COL18A1: variants seen among roughly 807,000 people sequenced by gnomAD.
The protein encoded by COL18A1 is collagen type XVIII alpha 1 chain.
A neutral mutation model predicts 168.0 loss-of-function variants in COL18A1; 133 were observed. The observed-to-expected ratio is 0.79, with a 90% CI of 0.69 to 0.91. COL18A1 has a LOEUF of 0.91. Among genes scored for constraint, COL18A1 ranks in the 40% least tolerant of loss-of-function variants. The pLI, the probability that COL18A1 is intolerant of heterozygous loss-of-function variation, is 0.00. For missense variants in COL18A1, 2,126 were observed against 1,925.4 expected (o/e 1.10, Z -1.95); for synonymous variants, 949 against 809.0 (o/e 1.17, Z -2.94).
At chr21:45,487,718 G>A (rs1404163995) in intron 17 of COL18A1, 2 of 698,822 alleles carry the variant, frequency 2.9e-6, no homozygotes, top group Admixed American at 2.0e-5. Flanking sequence ...ACGGGGTGAG[G>A]GCCTGGTCTG....
intron 34 of COL18A1, 119 bp downstream of exon 34, chr21:45,504,675 G>A: frequency 1.1e-6 from 1 of 871,802 alleles, no homozygotes; most frequent in South Asian, 1.5e-5. Context: ...TGCAAGCTCA[G>A]CAGCCCCGAC....
intron 2 of COL18A1, among the ~76,000 whole-genome samples, chr21:45,411,226 C>T (rs1371360609): frequency 6.6e-6 from 1 of 152,136 alleles, no homozygotes; most frequent in Non-Finnish European, 1.5e-5. Flanking sequence ...GTGGCTCTGC[C>T]TTCCCCGATG....
chr21:45,479,640 G>C (rs1177958765), intron 9 of COL18A1, among the ~76,000 whole-genome samples: 1 of 152,044 alleles, frequency 6.6e-6, no homozygotes, highest in Non-Finnish European at 1.5e-5. Context: ...CCAAGCACCA[G>C]CTGTTGTGGA....
rs938380690 is a variant in COL18A1, at chr21:45,505,075, G to A, written c.2869-59G>A. On this transcript the variant is annotated intron_variant, in intron 34 of 41. Transcript: ENST00000651438. ...TTGGCAGCTGCAGCCCCACAAGCTT[G>A]CCCGCCCCCAGTCCAGGGCACGAGG... 127 of 1,578,730 alleles carry A rather than the reference G, an allele frequency of 8.0e-5. No individual in the cohort carries two copies. In the Admixed American group the frequency reaches 2.1e-3, roughly 27 times the overall value.
intron 37 of COL18A1, chr21:45,507,336 G>GT: frequency 6.7e-6 from 4 of 596,144 alleles, no homozygotes; most frequent in Non-Finnish European, 1.2e-5. Flanking sequence ...GCAGGGCCGG[G>GT]TGCTGGGCAG....
Position 45,509,476 on chromosome 21 carries a change from A to G in COL18A1, c.3370A>G (p.Ser1124Gly). 6.5e-7 allele frequency: 1 copy of G among 1,527,070 alleles called. No individual in the cohort carries two copies. Among genetic ancestry groups the G allele is most frequent in the Admixed American group, 1.9e-5 (1 of 52,292 alleles). 94.6% of individuals were successfully genotyped at this position (1,527,070 alleles called of 1,614,324 possible). A position where few individuals can be genotyped will look rare whatever the true frequency, so the allele number is the denominator to read the frequency against. ...CTGGCGGGCAGATGACATCCTGGCC[A>G]GCCCCCCTCGCCTGCCCGAGCCCCA... The part of the protein sequence containing the change: ...RPWRADDILA[S>G]PPRLPEPQPY... Residue 1124 changes from serine to glycine, a missense_variant, in exon 39 of 42, where the codon AGC becomes GGC. Physicochemically the swap from Ser to Gly is moderately conservative, Grantham distance 56 (BLOSUM62 0). Transcript: ENST00000651438.
rs201995380 is a variant in COL18A1, at chr21:45,480,416, AG to A, written c.1399-49del. The A allele has an allele frequency of 8.1e-5, 131 of 1,612,608 alleles. No individual in the cohort carries two copies. The South Asian group carries it at 1.1e-3, about 13-fold the overall frequency. The stretch of plus-strand genomic sequence containing the variant: ...GCGGGGCAGGGGCCAGGAGTAGGCC[AG>A]GCGGGGGGCCGAGCTCAGGGCAACG... On this transcript the variant is annotated intron_variant, in intron 11 of 41. Transcript: ENST00000651438.
intron 2 of COL18A1, among the ~76,000 whole-genome samples, chr21:45,413,666 C>G (rs1437767772): frequency 2.0e-5 from 3 of 152,242 alleles, no homozygotes; most frequent in African/African-American, 7.2e-5. Context: ...AAGGAAGCGT[C>G]CATGGATCCC....
In COL18A1 at chr21:45,473,895, G is replaced by C. The variant is rs1360986083; in HGVS notation, c.652G>C (p.Gly218Arg). The change falls in exon 4 of 42, where the codon GGG becomes CGG. Residue 218 changes from glycine (G) to arginine (R), a missense_variant and splice_region_variant. Coordinates refer to ENST00000651438, the MANE Select transcript of COL18A1 (RefSeq NM_001379500.1). The surrounding 1 kb of genome is among the most constrained non-coding windows in gnomAD (Gnocchi z 4.0). Reference sequence around the variant, plus strand: ...GACCCCTTTCTCTGTCTGCATTTAGGGGGTGATCGCTGAGCTGAAGGTGCG... The same window carrying C: ...GACCCCTTTCTCTGTCTGCATTTAGCGGGTGATCGCTGAGCTGAAGGTGCG... ...AGGADPDKFQ[G>R]VIAELKVRRD... 1 of 1,599,468 alleles carries C rather than the reference G, an allele frequency of 6.3e-7. No homozygotes were observed. The highest frequency in any genetic ancestry group is 1.3e-5 in the African/African-American group (1 of 74,630).
chr21:45,438,187 GAC>G lies in COL18A1; in HGVS notation c.107-30049_107-30048del, dbSNP rs1167719632. On this transcript the variant is annotated intron_variant, in intron 2 of 41. Transcript: ENST00000651438. The stretch of plus-strand genomic sequence containing the variant: ...TCCTGCATACACACACTCACACTCA[GAC>G]ACACAGGCACTCTCCTGCACACACA... Among the ~76,000 whole-genome samples the G allele has an allele frequency of 2.4e-4, 15 of 62,156 alleles. 1 individual carries two copies. Among genetic ancestry groups the G allele is most frequent in the South Asian group, 1.1e-3 (2 of 1,826 alleles). The allele number at this position is 62,156 out of a possible 152,430, so 40.8% of individuals were successfully genotyped here.
At chr21:45,431,456 AG>A (rs1316985054) in intron 2 of COL18A1, among the ~76,000 whole-genome samples, 3 of 27,966 alleles carry the variant, frequency 1.1e-4, no homozygotes, top group East Asian at 9.5e-4. Context: ...GGCCCAGGGG[AG>A]GGGGGCAGGC....
At chr21:45,448,200 C>T (rs145435302) in intron 2 of COL18A1, among the ~76,000 whole-genome samples, 7 of 152,318 alleles carry the variant, frequency 4.6e-5, no homozygotes, top group East Asian at 3.9e-4. Context: ...GATCAGAAAA[C>T]GCTCATACAC....
chr21:45,439,486 C>T lies in COL18A1; in HGVS notation c.107-28756C>T, dbSNP rs535476758. ...TTCATCATAAAAACGTCCGACGAAA[C>T]CAAGAGCAAAGTGAACTTATTGGTG... On this transcript the variant is annotated intron_variant, in intron 2 of 41. Transcript: ENST00000651438. Among the ~76,000 whole-genome samples the T allele has an allele frequency of 1.3e-3, 200 of 152,386 alleles. 1 individual carries two copies. Among genetic ancestry groups the T allele is most frequent in the Admixed American group, 2.6e-3 (40 of 15,310 alleles).
At chr21:45,419,989 T>C (rs2838917) in intron 2 of COL18A1, 93,817 of 152,050 alleles carry the variant, frequency 0.62, 29,837 homozygotes, top group South Asian at 0.7. Flanking sequence ...CATCCTTTCA[T>C]GGTCACAAAT....
rs371873833 is a variant in COL18A1 at position 45,491,354 on chromosome 21, C to G, written c.2157+40C>G. 3.3e-4 allele frequency: 450 copies of G among 1,347,508 alleles called. 1 individual carries two copies. The African/African-American group carries it at 5.8e-3, about 17-fold the overall frequency. The allele number at this position is 1,347,508 out of a possible 1,614,324, so 83.5% of individuals were successfully genotyped here. ...TGGGTGGGCACCCAATCTGTCCAGA[C>G]CCCCCACGGGGTGCAGAGATCCCTC... On this transcript the variant is annotated intron_variant, in intron 22 of 41. Coordinates refer to ENST00000651438, the MANE Select transcript of COL18A1 (RefSeq NM_001379500.1).
intron 32 of COL18A1, among the ~76,000 whole-genome samples, chr21:45,500,481 G>GTGT (rs2036733889): frequency 1.7e-5 from 1 of 60,562 alleles, no homozygotes; most frequent in Admixed American, 1.6e-4. Flanking sequence ...GGTGTGGTTT[G>GTGT]GTGTGTTGCG....
In COL18A1 at chr21:45,509,476, AG is replaced by A. The variant is rs773937204; in HGVS notation, c.3371del (p.Ser1124ThrfsTer127). The part of the protein sequence containing the change: ...RPWRADDILA[S>X]PPRLPEPQPY... ...CTGGCGGGCAGATGACATCCTGGCC[AG>A]CCCCCCTCGCCTGCCCGAGCCCCAG... On this transcript the variant is annotated frameshift_variant, in exon 39 of 42. Coordinates refer to ENST00000651438, the MANE Select transcript of COL18A1 (RefSeq NM_001379500.1). LOFTEE classifies it high-confidence loss of function. 1 of 1,527,070 alleles carries A rather than the reference AG, an allele frequency of 6.5e-7. No individual in the cohort carries two copies. Among genetic ancestry groups the A allele is most frequent in the Non-Finnish European group, 8.8e-7 (1 of 1,135,368 alleles). The allele number at this position is 1,527,070 out of a possible 1,614,324, so 94.6% of individuals were successfully genotyped here.
chr21:45,486,727 T>A, intron 15 of COL18A1, 134 bp from the exon 16 acceptor site: 1 of 985,762 alleles, frequency 1.0e-6, no homozygotes, highest in Non-Finnish European at 1.5e-6. Flanking sequence ...GGGGCCTGCG[T>A]TGCTTGGCAG....
rs769451817 is a variant in COL18A1, at chr21:45,491,214, T to C, written c.2068-11T>C. 6.2e-7 allele frequency: 1 copy of C among 1,609,218 alleles called. No individual in the cohort carries two copies. Among genetic ancestry groups the C allele is most frequent in the Admixed American group, 1.7e-5 (1 of 60,016 alleles). ...GAGATGAAATGCCGGACGCGTGGCC[T>C]CCTCTTCCAGGGAGATCCAGGGAAG... On this transcript the variant is annotated splice_polypyrimidine_tract_variant and intron_variant, in intron 21 of 41. Transcript: ENST00000651438.
Sources: allele counts gnomAD v4.1 joint callset (sites outside exome capture counted in the v4.1 genomes callset), GRCh38; gene constraint gnomAD v4.1.1; non-coding constraint Gnocchi (gnomAD v3.1); transcripts MANE v1.5; gene names NCBI Gene and HGNC (gene_info 2026-07-23, HGNC 2026-07-21).